Variants in STAB1 observed in about 807,000 individuals in gnomAD.
STAB1 encodes stabilin-1.
In STAB1, 250 loss-of-function variants were observed where a neutral mutation model predicts 332.4. The ratio of observed to expected loss-of-function variants is 0.75; its 90% CI spans 0.68 to 0.84. STAB1 has a LOEUF of 0.84. STAB1 is among the 40% of genes least tolerant of loss of function. The probability of loss-of-function intolerance (pLI) is 0.00; values close to 1 mark genes in which losing one functional copy is unlikely to be tolerated. For synonymous variants in STAB1, 1,475 were observed against 1,390.4 expected (o/e 1.06, Z -1.35); for missense variants, 3,249 against 3,489.7 (o/e 0.93, Z 1.74).
At chr3:52,515,271 C>G in intron 36 of STAB1, 152 bp from the exon 37 acceptor site, 1 of 880,602 alleles carries the variant, frequency 1.1e-6, no homozygotes. Flanking sequence ...TCCGCCCTCT[C>G]CCATCAGTCT....
chr3:52,516,502 C>G, intron 39 of STAB1, 40 bp from the exon 40 acceptor site: 1 of 1,613,442 alleles, frequency 6.2e-7, no homozygotes, highest in Non-Finnish European at 8.5e-7. Context: ...GGAGGCTGTT[C>G]CTGGGTCTGA....
intron 43 of STAB1, 76 bp from the exon 44 acceptor site, chr3:52,517,474 G>T: frequency 3.8e-6 from 6 of 1,588,516 alleles, no homozygotes; most frequent in Admixed American, 1.7e-5. Flanking sequence ...GGCCCGGGGA[G>T]GGGGGTGACC....
chr3:52,503,500 C>G lies in STAB1; in HGVS notation c.851C>G (p.Pro284Arg), dbSNP rs1292513413. 1 of 1,613,680 alleles carries G rather than the reference C, an allele frequency of 6.2e-7. No individual in the cohort carries two copies. The highest frequency in any genetic ancestry group is 1.1e-5 in the South Asian group (1 of 91,084). Residue 284 changes from proline (P) to arginine (R), a missense_variant, in exon 8 of 69, where the codon CCC becomes CGC. By Grantham distance (103) the Pro-to-Arg change is moderately radical. Coordinates refer to ENST00000321725, the MANE Select transcript of STAB1 (RefSeq NM_015136.3). ...TGCACTGACAACCTTGGTGGCTGCC[C>G]CAGCAACTCTACTTTGTGTGTGTAC... ...DPCTDNLGGC[P>R]SNSTLCVYQK...
At chr3:52,505,824 G>A (rs764886316) in intron 15 of STAB1, 43 bp downstream of exon 15, 3 of 1,613,678 alleles carry the variant, frequency 1.9e-6, no homozygotes, top group Non-Finnish European at 2.5e-6. Flanking sequence ...GGGGGCACCA[G>A]GACCTCCACG....
rs184802643 is a variant in STAB1 at position 52,522,932 on chromosome 3, G to A, written c.6902G>A (p.Arg2301His). The part of the protein sequence containing the change: ...LSERWDAYCF[R>H]VQDVACRCRN... The stretch of plus-strand genomic sequence containing the variant: ...GAACGCTGGGATGCCTACTGCTTCC[G>A]TGTGCAAGGTGTGTCCACCCGACCA... Residue 2301 changes from arginine (R) to histidine (H), a missense_variant, in exon 62 of 69, where the codon CGT becomes CAT. Transcript: ENST00000321725. 5.0e-6 allele frequency: 8 copies of A among 1,612,876 alleles called. No individual in the cohort carries two copies. The African/African-American group carries it at 5.3e-5, about 11-fold the overall frequency.
At chr3:52,501,440 G>A in intron 2 of STAB1, 138 bp downstream of exon 2, 1 of 1,368,812 alleles carries the variant, frequency 7.3e-7, no homozygotes. Context: ...GGGTGGTGGA[G>A]ATAGGCGGGG....
In STAB1 at chr3:52,518,719, C is replaced by A. The variant is rs768928203; in HGVS notation, c.4888-4C>A. ...ACCCCACTCCCCTCGCGACTCTGCT[C>A]CAGGATGAGCTGGCCCGGATTCGTG... is the stretch of plus-strand genomic sequence containing the variant. On this transcript the variant is annotated splice_region_variant and splice_polypyrimidine_tract_variant and intron_variant, in intron 47 of 68. Transcript: ENST00000321725. 1.9e-6 allele frequency: 3 copies of A among 1,612,394 alleles called. No individual in the cohort carries two copies. The highest frequency in any genetic ancestry group is 2.5e-6 in the Non-Finnish European group (3 of 1,179,678).
intron 52 of STAB1, 45 bp from the exon 53 acceptor site, chr3:52,520,355 G>A: frequency 6.2e-7 from 1 of 1,612,698 alleles, no homozygotes; most frequent in Non-Finnish European, 8.5e-7. Context: ...GTAGCAGCTG[G>A]AGTGCACCTG....
Position 52,519,251 on chromosome 3 carries a change from GC to G in STAB1, c.5035-9del. ...CACCTATCTGCTTCATCAGCCCCGT[GC>G]CCCGCCCCCAGGGCAGCATATACCT... On this transcript the variant is annotated splice_polypyrimidine_tract_variant and intron_variant, in intron 48 of 68. Coordinates refer to ENST00000321725, the MANE Select transcript of STAB1 (RefSeq NM_015136.3). 1.2e-6 allele frequency: 2 copies of G among 1,609,090 alleles called. No individual in the cohort carries two copies. The highest frequency in any genetic ancestry group is 1.1e-5 in the South Asian group (1 of 90,834).
chr3:52,508,268 T>C lies in STAB1; in HGVS notation c.2149-5T>C, dbSNP rs1291376349. On this transcript the variant is annotated splice_polypyrimidine_tract_variant and splice_region_variant and intron_variant, in intron 20 of 68. Transcript: ENST00000321725. ...GGCCTCTTGGACCTGTTCTGTCTCTTATAGGAACAAGGCTGCTGCAAAGGT... is the reference window on the plus strand; with the variant it reads ...GGCCTCTTGGACCTGTTCTGTCTCTCATAGGAACAAGGCTGCTGCAAAGGT... The C allele has an allele frequency of 3.7e-6, 6 of 1,610,150 alleles. No individual in the cohort carries two copies. Among genetic ancestry groups the C allele is most frequent in the Non-Finnish European group, 5.1e-6 (6 of 1,177,280 alleles).
Position 52,519,218 on chromosome 3 carries a change from G to A in STAB1, c.5035-46G>A, listed in dbSNP as rs1228414534. ...TCCACCTCAGGCCCCGATAGCTTCC[G>A]AGCACCCCACCTATCTGCTTCATCA... On this transcript the variant is annotated intron_variant, in intron 48 of 68. Coordinates refer to ENST00000321725, the MANE Select transcript of STAB1 (RefSeq NM_015136.3). 5.0e-6 allele frequency: 8 copies of A among 1,585,760 alleles called. No individual in the cohort carries two copies. The African/African-American group carries it at 6.7e-5, about 13-fold the overall frequency.
chr3:52,514,781 G>C lies in STAB1; in HGVS notation c.3759G>C (p.Leu1253=). The part of the protein sequence containing the change: ...GRSLIGLSGV[L]TVGSSRCLHS... ...CGCTGATTGGTCTGTCGGGGGTCCT[G>C]ACGGTGGGCTCAAGTCGCTGCCTGC... The change falls in exon 35 of 69, where the codon CTG becomes CTC. Residue 1253 remains leucine (L), a synonymous_variant. Coordinates refer to ENST00000321725, the MANE Select transcript of STAB1 (RefSeq NM_015136.3). The C allele has an allele frequency of 6.2e-7, 1 of 1,612,944 alleles. No homozygotes were observed. Among genetic ancestry groups the C allele is most frequent in the East Asian group, 2.2e-5 (1 of 44,876 alleles).
At chr3:52,515,675 G>T (rs904991076) in intron 37 of STAB1, among the ~76,000 whole-genome samples, 169 bp downstream of exon 37, 18 of 152,142 alleles carry the variant, frequency 1.2e-4, no homozygotes, top group African/African-American at 4.3e-4. Flanking sequence ...AAGTCAGAGG[G>T]CTAGTGTTTG....
At chr3:52,513,089 C>G (rs1290073126) in intron 29 of STAB1, 41 bp from the exon 30 acceptor site, 4 of 1,554,194 alleles carry the variant, frequency 2.6e-6, no homozygotes, top group Non-Finnish European at 3.5e-6. Flanking sequence ...GTAAGTTACA[C>G]TAACCTGATT....
intron 30 of STAB1, 86 bp downstream of exon 30, chr3:52,513,327 GC>G: frequency 2.2e-6 from 3 of 1,367,754 alleles, no homozygotes; most frequent in Non-Finnish European, 3.0e-6. Flanking sequence ...CACATCAGGG[GC>G]CCCATGGGAT....
Position 52,506,678 on chromosome 3 carries a change from G to A in STAB1, c.1831-14G>A. On this transcript the variant is annotated splice_polypyrimidine_tract_variant and intron_variant, in intron 17 of 68. Transcript: ENST00000321725. Reference sequence around the variant, plus strand: ...AGCCAGGCTGGGGGTTGGCTCAGTGGGTCTCTGCCGCAGGGGCGCATCCTG... The same window carrying A: ...AGCCAGGCTGGGGGTTGGCTCAGTGAGTCTCTGCCGCAGGGGCGCATCCTG... 1.2e-6 allele frequency: 2 copies of A among 1,601,156 alleles called. No homozygotes were observed. Among genetic ancestry groups the A allele is most frequent in the Admixed American group, 1.7e-5 (1 of 59,022 alleles).
intron 1 of STAB1, among the ~76,000 whole-genome samples, chr3:52,499,036 T>A (rs891703696): frequency 6.6e-6 from 1 of 152,234 alleles, no homozygotes; most frequent in Non-Finnish European, 1.5e-5. Flanking sequence ...CATTTCTCCT[T>A]TTCTCTTGCT....
intron 37 of STAB1, among the ~76,000 whole-genome samples, chr3:52,515,718 G>A (rs1219160331): frequency 6.6e-6 from 1 of 152,144 alleles, no homozygotes; most frequent in African/African-American, 2.4e-5. Flanking sequence ...GAGAGGGAGT[G>A]GAGACGGTGA....
chr3:52,523,637 C>A lies in STAB1; in HGVS notation c.7291-15C>A, dbSNP rs1426443286. On this transcript the variant is annotated splice_polypyrimidine_tract_variant and intron_variant, in intron 65 of 68. Coordinates refer to ENST00000321725, the MANE Select transcript of STAB1 (RefSeq NM_015136.3). ...GCCCTCGCTCACAGTGGGCCTGACTCTGGTCTCCCTGCAGGCCCCAGGGAC... is the reference window on the plus strand; with the variant it reads ...GCCCTCGCTCACAGTGGGCCTGACTATGGTCTCCCTGCAGGCCCCAGGGAC... 2 of 1,612,882 alleles carry A rather than the reference C, an allele frequency of 1.2e-6. No homozygotes were observed. Among genetic ancestry groups the A allele is most frequent in the East Asian group, 2.2e-5 (1 of 44,884 alleles).
Sources: allele counts gnomAD v4.1 joint callset (sites outside exome capture counted in the v4.1 genomes callset), GRCh38; gene constraint gnomAD v4.1.1; transcripts MANE v1.5; gene names NCBI Gene and HGNC (gene_info 2026-07-23, HGNC 2026-07-21).